RELN: variants seen among roughly 807,000 people sequenced by gnomAD.
The protein encoded by RELN is reelin.
A neutral mutation model predicts 427.6 loss-of-function variants in RELN; 108 were observed. That is an observed-to-expected ratio of 0.25 (90% CI 0.22 to 0.30). The LOEUF is 0.30. Ranked by LOEUF, RELN falls within the 10% of genes least tolerant of loss-of-function variation. RELN has a pLI of 1.00. For synonymous variants in RELN, 1,524 were observed against 1,513.4 expected (o/e 1.01, Z -0.16); for missense variants, 3,715 against 4,302.8 (o/e 0.86, Z 3.82).
chr7:103,473,079 A>T (rs991756771), intron 64 of RELN, 171 bp from the exon 65 acceptor site: 2 of 723,126 alleles, frequency 2.8e-6, no homozygotes, highest in Admixed American at 3.9e-5. Context: ...GAGGAACTAA[A>T]GGCTGGGACC....
At chr7:103,506,707 A>G (rs1248128682) in intron 51 of RELN, among the ~76,000 whole-genome samples, 1 of 152,220 alleles carries the variant, frequency 6.6e-6, no homozygotes, top group African/African-American at 2.4e-5. Context: ...TTCACACATA[A>G]CAATATTAAC....
At chr7:103,845,246 A>G (rs1793646839) in intron 2 of RELN, among the ~76,000 whole-genome samples, 1 of 151,792 alleles carries the variant, frequency 6.6e-6, no homozygotes, top group Non-Finnish European at 1.5e-5. Context: ...GCTGGAGTGC[A>G]GTGGTACAAT....
intron 51 of RELN, among the ~76,000 whole-genome samples, chr7:103,504,705 C>T (rs967368631): frequency 4.6e-5 from 7 of 152,178 alleles, no homozygotes; most frequent in African/African-American, 1.4e-4. Flanking sequence ...AGGAACAGTG[C>T]AATCTGGCCC....
At chr7:103,940,905 C>A (rs1329589248) in intron 1 of RELN, among the ~76,000 whole-genome samples, 1 of 152,166 alleles carries the variant, frequency 6.6e-6, no homozygotes, top group Non-Finnish European at 1.5e-5. Flanking sequence ...TGCCTGCTTT[C>A]TAACATTTTG....
intron 25 of RELN, among the ~76,000 whole-genome samples, chr7:103,595,767 AC>A (rs1266575687): frequency 1.3e-5 from 2 of 152,070 alleles, no homozygotes; most frequent in Non-Finnish European, 2.9e-5. Context: ...CATTGAATAG[AC>A]TTTAATAATA....
At chr7:103,515,950 T>C (rs1829557308) in intron 49 of RELN, among the ~76,000 whole-genome samples, 1 of 152,222 alleles carries the variant, frequency 6.6e-6, no homozygotes, top group Non-Finnish European at 1.5e-5. Context: ...CCATTATCAG[T>C]TGTCTGTGGT....
At chr7:103,518,505 G>GTTTTTTTTTTT (rs58239018) in intron 49 of RELN, among the ~76,000 whole-genome samples, 19 of 114,356 alleles carry the variant, frequency 1.7e-4, no homozygotes, top group South Asian at 9.4e-4. Context: ...GGTAATTTAA[G>GTTTTTTTTTTT]TTTTTTTTTT....
At chr7:103,662,588 T>C (rs962833873) in intron 11 of RELN, among the ~76,000 whole-genome samples, 5 of 137,968 alleles carry the variant, frequency 3.6e-5, no homozygotes, top group Admixed American at 8.1e-5. Context: ...ATTGCACCAC[T>C]GCACTCCAGC....
chr7:103,731,026 G>A (rs1790340063), intron 6 of RELN, among the ~76,000 whole-genome samples: 2 of 152,176 alleles, frequency 1.3e-5, no homozygotes, highest in African/African-American at 4.8e-5. Context: ...CGTTTCAAAT[G>A]GAAAGGCAGA....
At position 103,728,233 on chromosome 7, in the gene RELN, C is replaced by T. The variant is rs115896387; in HGVS notation, c.657-26G>A. ...CTGCAGGAAAACAGAACACAGTCCC[C>T]GTCTGAGAACTAAGTAGCACACGTG... On this transcript the variant is annotated intron_variant, in intron 6 of 64. Coordinates refer to ENST00000428762, the MANE Select transcript of RELN (RefSeq NM_005045.4). 199 of 1,606,366 alleles carry T rather than the reference C, an allele frequency of 1.2e-4. No homozygotes were observed. In the African/African-American group the frequency reaches 2.2e-3, roughly 18 times the overall value.
At position 103,487,910 on chromosome 7, in the gene RELN, G is replaced by A. The variant is rs373881522; in HGVS notation, c.9764-1494C>T. Among the ~76,000 whole-genome samples, 46 of 152,260 alleles carry A rather than the reference G, an allele frequency of 3.0e-4. No individual in the cohort carries two copies. The East Asian group carries it at 7.7e-3, about 26-fold the overall frequency. On this transcript the variant is annotated intron_variant, in intron 60 of 64. Coordinates refer to ENST00000428762, the MANE Select transcript of RELN (RefSeq NM_005045.4). ...TGTAATTCCAGCACTTTGGGAGGCC[G>A]AGGTGGGAAGATCACCTGAGGTCAG...
intron 1 of RELN, among the ~76,000 whole-genome samples, chr7:103,949,393 A>C (rs1796287722): frequency 6.6e-6 from 1 of 151,608 alleles, no homozygotes; most frequent in South Asian, 2.1e-4. Flanking sequence ...AAAAAAAAAA[A>C]CAATCTTAAT....
intron 1 of RELN, among the ~76,000 whole-genome samples, chr7:103,955,140 C>A (rs370858573): frequency 2.6e-5 from 4 of 152,172 alleles, no homozygotes; most frequent in African/African-American, 9.6e-5. Context: ...TTTACCTCAA[C>A]CTTAAACGAA....
At chr7:103,702,937 C>A (rs729744) in intron 8 of RELN, among the ~76,000 whole-genome samples, 2 of 152,064 alleles carry the variant, frequency 1.3e-5, no homozygotes, top group Admixed American at 6.5e-5. Context: ...CCCCAGTAGG[C>A]TAAAGGTGTA....
chr7:103,605,394 T>A (rs1038705140), intron 22 of RELN, among the ~76,000 whole-genome samples: 3 of 152,172 alleles, frequency 2.0e-5, no homozygotes, highest in African/African-American at 4.8e-5. Flanking sequence ...TAAGTGGGGA[T>A]GAAAATTAAA....
intron 6 of RELN, among the ~76,000 whole-genome samples, chr7:103,741,282 C>T (rs1248120355): frequency 1.3e-5 from 2 of 152,106 alleles, no homozygotes; most frequent in African/African-American, 4.8e-5. Flanking sequence ...TTTACATTGA[C>T]TTCTAAGGGG....
intron 29 of RELN, among the ~76,000 whole-genome samples, 169 bp from the exon 30 acceptor site, chr7:103,574,468 C>A (rs1830953842): frequency 6.6e-6 from 1 of 152,186 alleles, no homozygotes; most frequent in South Asian, 2.1e-4. Context: ...GCCATCACTA[C>A]CATCATCAAA....
chr7:103,630,849 T>C (rs200072416), intron 19 of RELN, among the ~76,000 whole-genome samples: 1 of 125,934 alleles, frequency 7.9e-6, no homozygotes, highest in Admixed American at 7.6e-5. Context: ...AGTTATTTTT[T>C]TGTTTTTTTT....
At chr7:103,557,274 G>A in intron 37 of RELN, 115 bp from the exon 38 acceptor site, 1 of 905,864 alleles carries the variant, frequency 1.1e-6, no homozygotes, top group East Asian at 2.6e-5. Context: ...TTACATGGAA[G>A]CTTTATAGTC....
Sources: allele counts gnomAD v4.1 joint callset (sites outside exome capture counted in the v4.1 genomes callset), GRCh38; gene constraint gnomAD v4.1.1; transcripts MANE v1.5; gene names NCBI Gene and HGNC (gene_info 2026-07-23, HGNC 2026-07-21).